Variants in CAMTA1 observed in about 807,000 individuals in gnomAD.
CAMTA1 encodes calmodulin binding transcription activator 1, also known as calmodulin-binding transcription activator 1.
Under a neutral mutation model 170.9 loss-of-function variants are expected in CAMTA1, and 27 were observed. The observed-to-expected ratio is 0.16, with a 90% confidence interval of 0.12 to 0.22. CAMTA1 has a LOEUF of 0.22. Ranked by LOEUF, CAMTA1 falls within the 10% of genes least tolerant of loss-of-function variation. The probability of loss-of-function intolerance (pLI) is 1.00; values close to 1 mark genes in which losing one functional copy is unlikely to be tolerated. For synonymous variants in CAMTA1, 833 were observed against 891.5 expected (o/e 0.93, Z 1.17); for missense variants, 1,619 against 2,217.2 (o/e 0.73, Z 5.42).
At chr1:7,101,996 T>C (rs982536203) in intron 4 of CAMTA1, among the ~76,000 whole-genome samples, 1 of 149,956 alleles carries the variant, frequency 6.7e-6, no homozygotes, top group Non-Finnish European at 1.5e-5. Flanking sequence ...TACATATACA[T>C]ACATGTACAC....
At chr1:7,318,720 C>T (rs184876683) in intron 5 of CAMTA1, among the ~76,000 whole-genome samples, 11 of 152,296 alleles carry the variant, frequency 7.2e-5, no homozygotes, top group East Asian at 3.9e-4. Flanking sequence ...TGCAATCAGA[C>T]GAGATTTTCC....
intron 6 of CAMTA1, among the ~76,000 whole-genome samples, chr1:7,599,486 G>T (rs2150555005): frequency 6.6e-6 from 1 of 152,316 alleles, no homozygotes; most frequent in African/African-American, 2.4e-5. Flanking sequence ...GAAAGTCATT[G>T]GTAGCTTGAT....
chr1:7,512,538 A>G (rs6697220), intron 6 of CAMTA1, among the ~76,000 whole-genome samples: 65,559 of 152,096 alleles, frequency 0.43, 14,656 homozygotes, highest in Non-Finnish European at 0.5. Context: ...GGTGGCTTCA[A>G]GTCTATTCCA....
chr1:7,513,229 G>A (rs1283033818), intron 6 of CAMTA1, among the ~76,000 whole-genome samples: 1 of 152,168 alleles, frequency 6.6e-6, no homozygotes, highest in African/African-American at 2.4e-5. Context: ...CAAGCCACCG[G>A]CCTGCCAGAT....
intron 3 of CAMTA1, among the ~76,000 whole-genome samples, chr1:6,860,327 CTT>C (rs1223346314): frequency 2.6e-5 from 4 of 152,074 alleles, no homozygotes; most frequent in Admixed American, 2.0e-4. Context: ...TATAGCTGAA[CTT>C]TTTTTATATG....
At chr1:7,158,944 G>A (rs988821864) in intron 4 of CAMTA1, among the ~76,000 whole-genome samples, 17 of 140,858 alleles carry the variant, frequency 1.2e-4, no homozygotes, top group African/African-American at 4.4e-4. Flanking sequence ...TAATGTGGAC[G>A]ATTCTAGTTC....
At chr1:7,182,701 A>C (rs1197967925) in intron 4 of CAMTA1, among the ~76,000 whole-genome samples, 3 of 152,224 alleles carry the variant, frequency 2.0e-5, no homozygotes, top group Non-Finnish European at 4.4e-5. Context: ...TATCAGAAGT[A>C]AAGGGTTAAT....
At chr1:7,347,645 G>C (rs1366226150) in intron 5 of CAMTA1, among the ~76,000 whole-genome samples, 1 of 152,266 alleles carries the variant, frequency 6.6e-6, no homozygotes, top group Admixed American at 6.5e-5. Flanking sequence ...GATGTGGGCA[G>C]GTGGGTTCCT....
intron 5 of CAMTA1, among the ~76,000 whole-genome samples, chr1:7,267,486 A>G (rs1669107412): frequency 6.6e-6 from 1 of 152,114 alleles, no homozygotes; most frequent in Non-Finnish European, 1.5e-5. Flanking sequence ...TTGTGCCTCT[A>G]TTAGGGGACT....
At chr1:7,591,196 G>A (rs748178018) in intron 6 of CAMTA1, among the ~76,000 whole-genome samples, 10 of 152,186 alleles carry the variant, frequency 6.6e-5, no homozygotes, top group Non-Finnish European at 1.5e-5. Context: ...TCTGAGAAAG[G>A]ACCGATCCAA....
intron 11 of CAMTA1, among the ~76,000 whole-genome samples, chr1:7,701,757 T>G (rs3011932): frequency 0.92 from 140,705 of 152,120 alleles, 65,171 homozygotes; most frequent in East Asian, 1. Context: ...CACTTAACCT[T>G]GGTACTGCCA....
intron 5 of CAMTA1, among the ~76,000 whole-genome samples, chr1:7,302,384 C>G (rs1379155073): frequency 6.6e-6 from 1 of 152,162 alleles, no homozygotes; most frequent in Non-Finnish European, 1.5e-5. Flanking sequence ...AAGCCCCCAG[C>G]CCATTTCCTG....
chr1:7,564,818 G>A (rs1158313536), intron 6 of CAMTA1, among the ~76,000 whole-genome samples: 1 of 151,948 alleles, frequency 6.6e-6, no homozygotes, highest in African/African-American at 2.4e-5. Context: ...AGAAGGAGAT[G>A]GAGACTGAGG....
chr1:7,402,219 G>A (rs922756498), intron 5 of CAMTA1, among the ~76,000 whole-genome samples: 16 of 152,166 alleles, frequency 1.1e-4, no homozygotes, highest in Admixed American at 2.6e-4. Flanking sequence ...TCAGGAGACA[G>A]CTGCTCACAC....
chr1:7,667,237 A>G (rs1246082029), intron 9 of CAMTA1, among the ~76,000 whole-genome samples: 1 of 151,938 alleles, frequency 6.6e-6, no homozygotes. Flanking sequence ...GCACCTTCGG[A>G]GTGCCCACCA....
chr1:6,974,895 A>G (rs961965901), intron 3 of CAMTA1, among the ~76,000 whole-genome samples: 1 of 152,360 alleles, frequency 6.6e-6, no homozygotes, highest in East Asian at 1.9e-4. Context: ...ACAAATATCA[A>G]GTATTTGTTG....
chr1:6,872,330 C>T (rs548467559), intron 3 of CAMTA1, among the ~76,000 whole-genome samples: 5 of 152,006 alleles, frequency 3.3e-5, no homozygotes, highest in Non-Finnish European at 7.4e-5. Flanking sequence ...ATTTATTAGT[C>T]TTAGCTGCCA....
rs116131144 is a variant in CAMTA1, at chr1:7,370,783, C to T, written c.439-97047C>T. Reference sequence around the variant, plus strand: ...AAATAAGGCAAATTTTCCATTCTTACATTTCATTAAAAACACATTCCGACT... The same window carrying T: ...AAATAAGGCAAATTTTCCATTCTTATATTTCATTAAAAACACATTCCGACT... On this transcript the variant is annotated intron_variant, in intron 5 of 22. Coordinates refer to ENST00000303635, the MANE Select transcript of CAMTA1 (RefSeq NM_015215.4). Among the ~76,000 whole-genome samples the T allele has an allele frequency of 3.1e-3, 479 of 152,226 alleles. 4 individuals carry two copies. Among genetic ancestry groups the T allele is most frequent in the Middle Eastern group, 0.017 (5 of 294 alleles).
chr1:7,595,220 C>G (rs1343636985), intron 6 of CAMTA1, among the ~76,000 whole-genome samples: 1 of 152,138 alleles, frequency 6.6e-6, no homozygotes, highest in Non-Finnish European at 1.5e-5. Context: ...GCGCCTGTGT[C>G]TCAGATCAAA....
Sources: gnomAD v4.1 joint callset for allele counts (sites outside exome capture counted in the v4.1 genomes callset) on GRCh38, gnomAD v4.1.1 for gene constraint, MANE v1.5 for transcripts, NCBI Gene and HGNC (gene_info 2026-07-23, HGNC 2026-07-21) for gene names.